The following CACNA2D3 variants were observed in gnomAD, a reference collection of about 807,000 sequenced individuals.
CACNA2D3 encodes the protein calcium voltage-gated channel auxiliary subunit alpha2delta 3.
A neutral mutation model predicts 160.6 loss-of-function variants in CACNA2D3; 60 were observed. The ratio of observed to expected loss-of-function variants is 0.37; its 90% confidence interval spans 0.30 to 0.46. The LOEUF is 0.46. CACNA2D3 is among the 20% of genes least tolerant of loss of function. The pLI is 1.00. For synonymous variants in CACNA2D3, 558 were observed against 492.9 expected (o/e 1.13, Z -1.75); for missense variants, 1,205 against 1,365.0 (o/e 0.88, Z 1.85).
chr3:54,167,359 T>G (rs962073900), intron 2 of CACNA2D3, among the ~76,000 whole-genome samples: 1 of 152,170 alleles, frequency 6.6e-6, no homozygotes, highest in African/African-American at 2.4e-5. Flanking sequence ...CCAACTCTGA[T>G]TAATGCCTCC....
At chr3:54,739,910 A>C (rs971492318) in intron 11 of CACNA2D3, among the ~76,000 whole-genome samples, 1 of 152,090 alleles carries the variant, frequency 6.6e-6, no homozygotes, top group East Asian at 1.9e-4. Context: ...TTCTATAAAA[A>C]GTATTTCAAG....
At chr3:54,440,974 T>A (rs1239920762) in intron 4 of CACNA2D3, among the ~76,000 whole-genome samples, 15 of 152,184 alleles carry the variant, frequency 9.9e-5, no homozygotes, top group Non-Finnish European at 1.8e-4. Context: ...TATAGCAGCA[T>A]GATTTATAGT....
At chr3:54,532,817 A>G (rs1701826314) in intron 5 of CACNA2D3, among the ~76,000 whole-genome samples, 1 of 152,166 alleles carries the variant, frequency 6.6e-6, no homozygotes, top group African/African-American at 2.4e-5. Context: ...GTGTGTACCC[A>G]GCAGTGGGAT....
chr3:54,581,719 T>G, intron 8 of CACNA2D3, 84 bp from the exon 9 acceptor site: 2 of 1,093,072 alleles, frequency 1.8e-6, no homozygotes, highest in Non-Finnish European at 2.7e-6. Flanking sequence ...GCTTTTTTGT[T>G]TGTGTGCGTA....
chr3:54,194,925 C>A (rs1210503937), intron 2 of CACNA2D3, among the ~76,000 whole-genome samples: 1 of 152,184 alleles, frequency 6.6e-6, no homozygotes, highest in East Asian at 1.9e-4. Context: ...CATAGTAGGG[C>A]CCTCAACACT....
intron 35 of CACNA2D3, among the ~76,000 whole-genome samples, chr3:55,021,635 A>ATATATATGTG (rs1703452216): frequency 7.5e-6 from 1 of 132,980 alleles, no homozygotes; most frequent in Non-Finnish European, 1.6e-5. Flanking sequence ...GTATATATAT[A>ATATATATGTG]TATATATATG....
At chr3:54,527,952 A>AG (rs543555361) in intron 5 of CACNA2D3, among the ~76,000 whole-genome samples, 67 of 152,186 alleles carry the variant, frequency 4.4e-4, no homozygotes, top group Non-Finnish European at 6.6e-4. Flanking sequence ...GATACTTTAA[A>AG]TTTTTGTGTT....
In CACNA2D3 at chr3:54,836,265, C is replaced by T. The variant is rs1428949715; in HGVS notation, c.1399-894C>T. 7.4e-5 allele frequency among the ~76,000 whole-genome samples: 10 copies of T among 134,868 alleles called. No individual in the cohort carries two copies. The South Asian group carries it at 1.7e-3, about 23-fold the overall frequency. 88.5% of individuals were successfully genotyped at this position (134,868 alleles called of 152,430 possible). On this transcript the variant is annotated intron_variant, in intron 14 of 37. Coordinates refer to ENST00000474759, the MANE Select transcript of CACNA2D3 (RefSeq NM_018398.3). ...TTGTTTTTGTTTTGGGAGAGAGTCT[C>T]GCTCTGTCACCCAGCCTGGAGTGCA...
chr3:54,608,751 C>T (rs188195489), intron 9 of CACNA2D3, among the ~76,000 whole-genome samples: 18 of 152,222 alleles, frequency 1.2e-4, no homozygotes, highest in African/African-American at 2.9e-4. Flanking sequence ...AATTTCTTTG[C>T]GCAATAAAGT....
At chr3:54,865,277 T>C (rs1699374160) in intron 17 of CACNA2D3, among the ~76,000 whole-genome samples, 1 of 152,262 alleles carries the variant, frequency 6.6e-6, no homozygotes, top group African/African-American at 2.4e-5. Context: ...TTTCACTTTG[T>C]ATACTTTTCA....
chr3:54,332,896 A>G (rs982083389), intron 3 of CACNA2D3, among the ~76,000 whole-genome samples: 3 of 152,228 alleles, frequency 2.0e-5, no homozygotes, highest in South Asian at 2.1e-4. Flanking sequence ...CCCTCCCCAC[A>G]TGGAGTTTAT....
At chr3:55,058,569 A>G (rs532330267) in intron 35 of CACNA2D3, among the ~76,000 whole-genome samples, 1 of 152,236 alleles carries the variant, frequency 6.6e-6, no homozygotes, top group East Asian at 1.9e-4. Flanking sequence ...TCAGCAACTG[A>G]GACTATAGAG....
intron 1 of CACNA2D3, 39 bp downstream of exon 1, chr3:54,122,874 T>C: frequency 8.2e-7 from 1 of 1,212,304 alleles, no homozygotes; most frequent in East Asian, 3.3e-5. Flanking sequence ...GAGGGGACCT[T>C]GCCGCCTGCG....
intron 35 of CACNA2D3, among the ~76,000 whole-genome samples, chr3:55,020,331 G>C (rs140289808): frequency 6.7e-6 from 1 of 148,538 alleles, no homozygotes; most frequent in African/African-American, 2.5e-5. Flanking sequence ...TGTACATATC[G>C]TATGTATGTA....
intron 11 of CACNA2D3, among the ~76,000 whole-genome samples, chr3:54,649,790 A>G (rs1235543322): frequency 6.6e-6 from 1 of 152,222 alleles, no homozygotes; most frequent in Non-Finnish European, 1.5e-5. Context: ...GGATTTCAAC[A>G]TAAGAATCTT....
chr3:54,149,916 T>TCG, intron 2 of CACNA2D3, among the ~76,000 whole-genome samples: 1 of 88,576 alleles, frequency 1.1e-5, no homozygotes, highest in African/African-American at 5.0e-5. Context: ...TCTCTCTCTC[T>TCG]CTCTCTCTCT....
At chr3:54,669,670 G>T (rs1027348200) in intron 11 of CACNA2D3, among the ~76,000 whole-genome samples, 1 of 152,060 alleles carries the variant, frequency 6.6e-6, no homozygotes, top group Non-Finnish European at 1.5e-5. Flanking sequence ...ATGAGCTGGG[G>T]CAAATACTGC....
chr3:54,702,480 C>G (rs534848136), intron 11 of CACNA2D3, among the ~76,000 whole-genome samples: 3 of 152,104 alleles, frequency 2.0e-5, no homozygotes, highest in Non-Finnish European at 2.9e-5. Context: ...GCATGGCCAA[C>G]AAGCATATGA....
intron 27 of CACNA2D3, among the ~76,000 whole-genome samples, chr3:54,935,434 G>T (rs1701303997): frequency 6.6e-6 from 1 of 152,186 alleles, no homozygotes; most frequent in Non-Finnish European, 1.5e-5. Flanking sequence ...ATAAACATAG[G>T]CAGATGCTAG....
Sources: gnomAD v4.1 joint callset for allele counts (sites outside exome capture counted in the v4.1 genomes callset) on GRCh38, gnomAD v4.1.1 for gene constraint, MANE v1.5 for transcripts, NCBI Gene and HGNC (gene_info 2026-07-23, HGNC 2026-07-21) for gene names.